TECPR2: variants seen among roughly 807,000 people sequenced by gnomAD.
The protein encoded by TECPR2 is tectonin beta-propeller repeat-containing protein 2.
A neutral mutation model predicts 138.1 loss-of-function variants in TECPR2; 65 were observed. The ratio of observed to expected loss-of-function variants is 0.47; its 90% CI spans 0.39 to 0.58. The LOEUF is 0.58. Ranked by LOEUF, TECPR2 falls within the 20% of genes least tolerant of loss-of-function variation. The pLI is 0.00. For missense variants in TECPR2, 1,553 were observed against 1,824.5 expected (o/e 0.85, Z 2.71); for synonymous variants, 746 against 749.8 (o/e 0.99, Z 0.08).
At chr14:102,454,846 C>G (rs1344406607) in intron 16 of TECPR2, among the ~76,000 whole-genome samples, 1 of 152,206 alleles carries the variant, frequency 6.6e-6, no homozygotes, top group Non-Finnish European at 1.5e-5. Context: ...CCTTCCCAGC[C>G]CCTCCAGGAA....
intron 16 of TECPR2, among the ~76,000 whole-genome samples, chr14:102,460,054 T>G (rs1297676664): frequency 6.6e-6 from 1 of 152,040 alleles, no homozygotes; most frequent in Non-Finnish European, 1.5e-5. Flanking sequence ...GAGGATCACT[T>G]AAGGCCAGGA....
At chr14:102,456,612 CAG>C (rs1380881768) in intron 16 of TECPR2, among the ~76,000 whole-genome samples, 59 of 144,430 alleles carry the variant, frequency 4.1e-4, no homozygotes, top group African/African-American at 1.0e-3. Flanking sequence ...TTTTTTGAGA[CAG>C]AGTCTCGCTC....
chr14:102,369,880 G>A (rs1201270334), intron 1 of TECPR2, among the ~76,000 whole-genome samples: 4 of 151,634 alleles, frequency 2.6e-5, no homozygotes, highest in East Asian at 4.0e-4. Flanking sequence ...GCATGAACCC[G>A]GGAGGCGGAG....
intron 4 of TECPR2, among the ~76,000 whole-genome samples, chr14:102,411,700 A>AAAAAAAC (rs1888873892): frequency 3.5e-5 from 1 of 28,394 alleles, no homozygotes; most frequent in Non-Finnish European, 9.9e-5. Flanking sequence ...CATGTTGCTC[A>AAAAAAAC]AAAAAAAAAA....
At chr14:102,425,871 G>GTT (rs531503829) in intron 6 of TECPR2, among the ~76,000 whole-genome samples, 1 of 132,110 alleles carries the variant, frequency 7.6e-6, no homozygotes, top group Admixed American at 7.9e-5. Context: ...ACCATGCCTG[G>GTT]TTTTTTTTTT....
chr14:102,454,227 G>A lies in TECPR2; in HGVS notation c.3640+1600G>A, dbSNP rs953005491. On this transcript the variant is annotated intron_variant, in intron 16 of 19. Coordinates refer to ENST00000359520, the MANE Select transcript of TECPR2 (RefSeq NM_014844.5). ...TTCTCCCCAAGCCCCTGGCTGCATT[G>A]CAGTCTGTATGCTACCAGCTGATGA... 3.9e-5 allele frequency among the ~76,000 whole-genome samples: 6 copies of A among 151,988 alleles called. 1 individual carries two copies. The highest frequency in any genetic ancestry group is 7.4e-5 in the Non-Finnish European group (5 of 68,012).
chr14:102,425,883 G>GTT (rs71470206), intron 6 of TECPR2, among the ~76,000 whole-genome samples: 29 of 113,644 alleles, frequency 2.6e-4, no homozygotes, highest in Admixed American at 1.5e-3. Flanking sequence ...TTTTTTTTTT[G>GTT]TTTTTTTTTT....
intron 17 of TECPR2, among the ~76,000 whole-genome samples, chr14:102,468,476 C>T (rs981007852): frequency 7.9e-5 from 12 of 152,166 alleles, no homozygotes; most frequent in African/African-American, 1.4e-4. Context: ...TGTGAGCCAC[C>T]GTGCCCAGCC....
intron 3 of TECPR2, 65 bp from the exon 4 acceptor site, chr14:102,408,405 ATTGTATACCTTTTCCATG>A: frequency 6.9e-7 from 1 of 1,455,652 alleles, no homozygotes; most frequent in East Asian, 2.4e-5. Context: ...ACTAGGAGTG[ATTGTATACCTTTTCCATG>A]TAGCCCCAGC....
At chr14:102,445,112 G>A (rs991858367) in intron 12 of TECPR2, among the ~76,000 whole-genome samples, 1 of 152,242 alleles carries the variant, frequency 6.6e-6, no homozygotes, top group Non-Finnish European at 1.5e-5. Context: ...CTAAACAGGA[G>A]TGTGGAGCAT....
intron 4 of TECPR2, 137 bp from the exon 5 acceptor site, chr14:102,414,499 A>C: frequency 9.7e-7 from 1 of 1,034,976 alleles, no homozygotes; most frequent in Non-Finnish European, 1.4e-6. Context: ...GTGAATCTGC[A>C]GAGAGTGAAA....
rs1889504521 is a variant in TECPR2 at position 102,431,939 on chromosome 14, A to G, written c.1228A>G (p.Ser410Gly). The change falls in exon 8 of 20, where the codon AGC (serine) becomes GGC (glycine). Residue 410 changes from serine (S) to glycine (G), a missense_variant. Ser to Gly is a moderately conservative substitution (Grantham distance 56). Coordinates refer to ENST00000359520, the MANE Select transcript of TECPR2 (RefSeq NM_014844.5). ...CGTGGCCAGCGAGCCAAGGAGCAGG[A>G]GCAGCTCGCTCAACTCCACCGACAG... The part of the protein sequence containing the change: ...SSVASEPRSR[S>G]SSLNSTDSGS... 6.2e-6 allele frequency: 10 copies of G among 1,612,646 alleles called. No homozygotes were observed. In the South Asian group the frequency reaches 9.9e-5, roughly 16 times the overall value.
chr14:102,476,199 T>A lies in TECPR2; in HGVS notation c.3789+10910T>A, dbSNP rs1401811083. ...TCCAGCCTGGGCAACAGAGCGAGAC[T>A]CTGTCTCAAAAAAAAAAAAAAAAAA... is the stretch of plus-strand genomic sequence containing the variant. On this transcript the variant is annotated intron_variant, in intron 17 of 19. Coordinates refer to ENST00000359520, the MANE Select transcript of TECPR2 (RefSeq NM_014844.5). Among the ~76,000 whole-genome samples the A allele has an allele frequency of 1.9e-4, 19 of 98,164 alleles. No homozygotes were observed. The Admixed American group carries it at 2.4e-3, about 12-fold the overall frequency. The allele number at this position is 98,164 out of a possible 152,430, so 64.4% of individuals were successfully genotyped here.
chr14:102,425,733 G>A (rs375912692), intron 6 of TECPR2, among the ~76,000 whole-genome samples: 4 of 151,604 alleles, frequency 2.6e-5, no homozygotes, highest in South Asian at 2.1e-4. Context: ...ATGCCACCAC[G>A]CCTGGCTAAT....
intron 2 of TECPR2, among the ~76,000 whole-genome samples, chr14:102,377,388 C>G (rs1438963938): frequency 6.6e-6 from 1 of 152,104 alleles, no homozygotes; most frequent in African/African-American, 2.4e-5. Flanking sequence ...TTGAACTCCT[C>G]GGCTCAAGCA....
intron 4 of TECPR2, among the ~76,000 whole-genome samples, chr14:102,410,482 T>TAAAAAAAAAAA (rs1184159632): frequency 1.6e-5 from 1 of 62,630 alleles, no homozygotes; most frequent in Non-Finnish European, 3.8e-5. Flanking sequence ...AAAAAAAAAA[T>TAAAAAAAAAAA]AAAAAATAAA....
At chr14:102,372,162 G>C (rs1887522751) in intron 1 of TECPR2, among the ~76,000 whole-genome samples, 1 of 152,082 alleles carries the variant, frequency 6.6e-6, no homozygotes, top group African/African-American at 2.4e-5. Context: ...TGTTTCCCAG[G>C]CTGGTCTCAA....
At chr14:102,445,733 A>G in intron 12 of TECPR2, 73 bp from the exon 13 acceptor site, 1 of 1,500,544 alleles carries the variant, frequency 6.7e-7, no homozygotes, top group Non-Finnish European at 9.0e-7. Flanking sequence ...GAGACCCTGG[A>G]TGTCCGCAGT....
chr14:102,424,381 G>A (rs995855647), intron 5 of TECPR2, among the ~76,000 whole-genome samples: 1 of 152,174 alleles, frequency 6.6e-6, no homozygotes, highest in Non-Finnish European at 1.5e-5. Flanking sequence ...ACCCAGGTTG[G>A]AGTACAGTAG....
Sources: allele counts gnomAD v4.1 joint callset (sites outside exome capture counted in the v4.1 genomes callset), GRCh38; gene constraint gnomAD v4.1.1; transcripts MANE v1.5; gene names NCBI Gene and HGNC (gene_info 2026-07-23, HGNC 2026-07-21).